The following NEK1 variants were observed in gnomAD, a reference collection of about 807,000 sequenced individuals.
The protein encoded by NEK1 is serine/threonine-protein kinase Nek1.
Under a neutral mutation model 182.1 loss-of-function variants are expected in NEK1, and 137 were observed. The ratio of observed to expected loss-of-function variants is 0.75; its 90% confidence interval spans 0.65 to 0.87. The LOEUF (loss-of-function observed/expected upper bound fraction) is 0.87, where lower values mean the gene tolerates loss of function less well. Ranked by LOEUF, NEK1 falls within the 40% of genes least tolerant of loss-of-function variation. The probability of loss-of-function intolerance (pLI) is 0.00; values close to 1 mark genes in which losing one functional copy is unlikely to be tolerated. For synonymous variants in NEK1, 513 were observed against 492.2 expected (o/e 1.04, Z -0.56); for missense variants, 1,391 against 1,494.4 (o/e 0.93, Z 1.14).
chr4:169,472,260 T>C (rs1746128903), intron 26 of NEK1, among the ~76,000 whole-genome samples: 1 of 152,190 alleles, frequency 6.6e-6, no homozygotes, highest in South Asian at 2.1e-4. Flanking sequence ...AGGGCCCTGG[T>C]TGTATAGGCA....
intron 23 of NEK1, among the ~76,000 whole-genome samples, chr4:169,482,434 AG>A (rs926414048): frequency 1.7e-4 from 26 of 151,952 alleles, no homozygotes; most frequent in African/African-American, 6.3e-4. Flanking sequence ...TTGGGACTAT[AG>A]GTGTGTGCCA....
intron 19 of NEK1, among the ~76,000 whole-genome samples, chr4:169,521,418 T>G (rs1343371338): frequency 6.8e-6 from 1 of 148,034 alleles, no homozygotes; most frequent in African/African-American, 2.5e-5. Flanking sequence ...CACTCCCTAG[T>G]GAGATGAACC....
intron 12 of NEK1, among the ~76,000 whole-genome samples, chr4:169,569,377 T>C (rs1764244973): frequency 6.6e-6 from 1 of 152,084 alleles, no homozygotes; most frequent in Non-Finnish European, 1.5e-5. Context: ...TAAGAGTAAC[T>C]GGGATATCGT....
intron 19 of NEK1, among the ~76,000 whole-genome samples, chr4:169,530,339 G>A (rs1183177462): frequency 1.3e-5 from 2 of 152,130 alleles, no homozygotes; most frequent in Non-Finnish European, 2.9e-5. Context: ...CTTTACAATG[G>A]TGTGAAAGTG....
chr4:169,420,779 GA>G (rs1400973005), intron 31 of NEK1, among the ~76,000 whole-genome samples: 1 of 152,054 alleles, frequency 6.6e-6, no homozygotes, highest in Non-Finnish European at 1.5e-5. Flanking sequence ...AAATCCAAAG[GA>G]AGGAAGAATA....
intron 12 of NEK1, among the ~76,000 whole-genome samples, chr4:169,567,776 C>T (rs956132960): frequency 6.6e-6 from 1 of 152,172 alleles, no homozygotes; most frequent in African/African-American, 2.4e-5. Context: ...TCAGACCATA[C>T]TTGTCTGCCT....
At chr4:169,455,583 T>C (rs1247824238) in intron 27 of NEK1, among the ~76,000 whole-genome samples, 2 of 152,284 alleles carry the variant, frequency 1.3e-5, no homozygotes, top group Non-Finnish European at 2.9e-5. Flanking sequence ...TATAAATATA[T>C]ATGCATCCAA....
intron 11 of NEK1, among the ~76,000 whole-genome samples, chr4:169,577,430 A>G (rs908847942): frequency 3.9e-5 from 6 of 152,226 alleles, no homozygotes; most frequent in African/African-American, 1.4e-4. Flanking sequence ...GTAGACACCA[A>G]ATGTATAAAC....
At chr4:169,450,508 C>G (rs763714748) in intron 27 of NEK1, among the ~76,000 whole-genome samples, 1 of 152,178 alleles carries the variant, frequency 6.6e-6, no homozygotes, top group African/African-American at 2.4e-5. Flanking sequence ...AGCCAGAAGA[C>G]AGTGGGGGCC....
intron 23 of NEK1, among the ~76,000 whole-genome samples, chr4:169,499,135 G>T (rs973827130): frequency 6.6e-6 from 1 of 151,734 alleles, no homozygotes; most frequent in Non-Finnish European, 1.5e-5. Flanking sequence ...AACTCTTCTC[G>T]CTTCATTTCA....
rs552460965 is a variant in NEK1 at position 169,545,976 on chromosome 4, C to T, written c.1563-8065G>A. 2.0e-3 allele frequency among the ~76,000 whole-genome samples: 303 copies of T among 152,238 alleles called. 2 individuals carry two copies. The highest frequency in any genetic ancestry group is 3.5e-3 in the Admixed American group (53 of 15,298). On this transcript the variant is annotated intron_variant, in intron 18 of 35. Coordinates refer to ENST00000507142, the MANE Select transcript of NEK1 (RefSeq NM_001199397.3). The stretch of plus-strand genomic sequence containing the variant: ...GCTCACGGGTAGGAAGAATCAATAT[C>T]GTGAAAATGGCCATACTGCCCAAGG...
chr4:169,602,750 T>C, intron 2 of NEK1, 72 bp from the exon 3 acceptor site: 1 of 586,454 alleles, frequency 1.7e-6, no homozygotes. Context: ...TAATGTTTAA[T>C]TCAAATTCTA....
At chr4:169,509,913 T>A (rs1400348197) in intron 19 of NEK1, among the ~76,000 whole-genome samples, 1 of 152,178 alleles carries the variant, frequency 6.6e-6, no homozygotes, top group Non-Finnish European at 1.5e-5. Context: ...TTACTAGTTA[T>A]CCAGACAATA....
chr4:169,530,894 G>T (rs1757574745), intron 19 of NEK1, among the ~76,000 whole-genome samples: 1 of 148,938 alleles, frequency 6.7e-6, no homozygotes, highest in East Asian at 2.0e-4. Context: ...TGAGGTGCCA[G>T]TGCACCACCT....
intron 29 of NEK1, among the ~76,000 whole-genome samples, chr4:169,428,267 ATG>A (rs1431463289): frequency 1.3e-5 from 2 of 150,632 alleles, no homozygotes; most frequent in Non-Finnish European, 3.0e-5. Flanking sequence ...CTGTGTGTCA[ATG>A]TTCTTTGCAG....
Position 169,425,705 on chromosome 4 carries a change from A to G in NEK1, c.2974+441T>C, listed in dbSNP as rs370979562. On this transcript the variant is annotated intron_variant, in intron 30 of 35. Transcript: ENST00000507142. ...CTAATTTAAAAAATTTTTTGTAGAG[A>G]TGGAGTAGCGCTATGTTGTCCAGGC... Among the ~76,000 whole-genome samples the G allele has an allele frequency of 7.9e-5, 12 of 152,164 alleles. No individual in the cohort carries two copies. The East Asian group carries it at 2.3e-3, about 29-fold the overall frequency.
intron 27 of NEK1, among the ~76,000 whole-genome samples, chr4:169,462,326 T>C (rs1226225602): frequency 1.3e-5 from 2 of 152,146 alleles, no homozygotes; most frequent in South Asian, 4.1e-4. Flanking sequence ...ACTGCAAAAT[T>C]TCCTTATATG....
intron 12 of NEK1, among the ~76,000 whole-genome samples, chr4:169,576,437 G>A (rs180976488): frequency 2.0e-5 from 3 of 152,322 alleles, no homozygotes; most frequent in East Asian, 3.9e-4. Flanking sequence ...TAAAGAAAAT[G>A]TCAAATTCCT....
intron 10 of NEK1, among the ~76,000 whole-genome samples, chr4:169,581,850 T>G (rs939803322): frequency 6.6e-6 from 1 of 152,186 alleles, no homozygotes; most frequent in Non-Finnish European, 1.5e-5. Context: ...ACATCTCCAA[T>G]GAGTTTTGTA....
Sources: allele counts gnomAD v4.1 joint callset (sites outside exome capture counted in the v4.1 genomes callset), GRCh38; gene constraint gnomAD v4.1.1; transcripts MANE v1.5; gene names NCBI Gene and HGNC (gene_info 2026-07-23, HGNC 2026-07-21).